The following SYNDIG1L variants were observed in gnomAD, a reference collection of about 807,000 sequenced individuals.
SYNDIG1L encodes synapse differentiation-inducing gene protein 1-like.
SYNDIG1L carries 13 observed loss-of-function variants against 20.1 expected under a neutral mutation model. The ratio of observed to expected loss-of-function variants is 0.65; its 90% CI spans 0.42 to 1.03. The LOEUF is 1.03. SYNDIG1L is among the 50% of genes least tolerant of loss of function. SYNDIG1L has a pLI of 0.00. For missense variants in SYNDIG1L, 294 were observed against 305.1 expected (o/e 0.96, Z 0.27); for synonymous variants, 128 against 129.3 (o/e 0.99, Z 0.07).
the SYNDIG1L span, among the ~76,000 whole-genome samples, chr14:74,436,866 A>G: frequency 2.0e-5 from 3 of 151,310 alleles, no homozygotes; most frequent in Non-Finnish European, 4.4e-5. Flanking sequence ...AAAAAAAAAA[A>G]AAGCTCAGCT....
At chr14:74,429,209 G>C (rs575754167), upstream of SYNDIG1L, among the ~76,000 whole-genome samples, 1 of 152,266 alleles carries the variant, frequency 6.6e-6, no homozygotes, top group African/African-American at 2.4e-5. Flanking sequence ...AAGCATCCTC[G>C]CTGGGACTAG....
the SYNDIG1L span, among the ~76,000 whole-genome samples, chr14:74,469,129 T>C: frequency 5.3e-5 from 8 of 151,916 alleles, no homozygotes; most frequent in South Asian, 1.5e-3. Context: ...CAGGTCAGGT[T>C]TGGTGTCTAG....
At chr14:74,477,267 C>CA in the SYNDIG1L span, among the ~76,000 whole-genome samples, 3 of 152,210 alleles carry the variant, frequency 2.0e-5, no homozygotes, top group African/African-American at 7.2e-5. Context: ...GACTTTCTTA[C>CA]ACGACTCCTT....
chr14:74,462,440 C>T, the SYNDIG1L span, among the ~76,000 whole-genome samples: 22 of 149,884 alleles, frequency 1.5e-4, no homozygotes, highest in African/African-American at 4.9e-4. Context: ...GCTGTGATCA[C>T]GCCACTGCAC....
the SYNDIG1L span, among the ~76,000 whole-genome samples, chr14:74,446,670 G>A: frequency 1.3e-5 from 2 of 149,504 alleles, no homozygotes; most frequent in Non-Finnish European, 1.5e-5. Flanking sequence ...AGGCTGGAGT[G>A]TAGTGGCATG....
intron 1 of SYNDIG1L, among the ~76,000 whole-genome samples, chr14:74,424,389 A>C (rs2086248921): frequency 6.6e-6 from 1 of 151,684 alleles, no homozygotes; most frequent in African/African-American, 2.4e-5. Flanking sequence ...CTCATTTTAC[A>C]CCCGATTACC....
chr14:74,433,954 G>A, the SYNDIG1L span, among the ~76,000 whole-genome samples: 1 of 152,142 alleles, frequency 6.6e-6, no homozygotes, highest in African/African-American at 2.4e-5. Context: ...ATAGGGCAAT[G>A]GGTACACAAA....
intron 1 of SYNDIG1L, among the ~76,000 whole-genome samples, chr14:74,421,449 A>G (rs1458184492): frequency 2.0e-5 from 3 of 152,226 alleles, no homozygotes; most frequent in Admixed American, 2.0e-4. Context: ...AGAAAGACAC[A>G]ACGGAAAGAC....
chr14:74,431,039 C>A (rs1230050026), upstream of SYNDIG1L, among the ~76,000 whole-genome samples: 1 of 152,214 alleles, frequency 6.6e-6, no homozygotes, highest in Non-Finnish European at 1.5e-5. Flanking sequence ...CTGCCTTCTT[C>A]CTGCCCTTGA....
chr14:74,455,779 C>T, the SYNDIG1L span, among the ~76,000 whole-genome samples: 1 of 152,126 alleles, frequency 6.6e-6, no homozygotes, highest in Admixed American at 6.5e-5. Context: ...GCCTCCCATC[C>T]TCTCCCTTCC....
At chr14:74,437,423 T>C in the SYNDIG1L span, among the ~76,000 whole-genome samples, 3 of 152,230 alleles carry the variant, frequency 2.0e-5, no homozygotes, top group Non-Finnish European at 4.4e-5. Context: ...CAGCAGAAAC[T>C]TGCTGTCCAC....
the SYNDIG1L span, among the ~76,000 whole-genome samples, chr14:74,477,538 ACT>A: frequency 6.6e-6 from 1 of 152,038 alleles, no homozygotes; most frequent in Non-Finnish European, 1.5e-5. Flanking sequence ...AAAAAAGATC[ACT>A]CTGTTCCTTT....
chr14:74,476,539 C>G, the SYNDIG1L span: 1 of 1,535,746 alleles, frequency 6.5e-7, no homozygotes, highest in Non-Finnish European at 8.7e-7. Context: ...ACTGCAAACA[C>G]CTGTGCTCTG....
chr14:74,421,107 T>G (rs1398289590), intron 1 of SYNDIG1L, among the ~76,000 whole-genome samples: 1 of 151,972 alleles, frequency 6.6e-6, no homozygotes, highest in Non-Finnish European at 1.5e-5. Context: ...AAAAAAACTT[T>G]GAAAAAAAAT....
chr14:74,408,092 G>A, intron 2 of SYNDIG1L, 103 bp from the exon 3 acceptor site: 1 of 1,387,028 alleles, frequency 7.2e-7, no homozygotes, highest in Non-Finnish European at 9.7e-7. Flanking sequence ...CAGTGACATG[G>A]AGCAACAAGC....
At chr14:74,444,082 T>A in the SYNDIG1L span, among the ~76,000 whole-genome samples, 8 of 152,196 alleles carry the variant, frequency 5.3e-5, no homozygotes, top group Admixed American at 2.6e-4. Flanking sequence ...ATTTTATTTT[T>A]TTTAGATGGA....
chr14:74,418,038 A>G (rs1226744157), intron 1 of SYNDIG1L, among the ~76,000 whole-genome samples: 2 of 152,232 alleles, frequency 1.3e-5, no homozygotes, highest in Admixed American at 1.3e-4. Flanking sequence ...AATCGGGCAG[A>G]AGATTAAATG....
Position 74,409,088 on chromosome 14 carries a change from A to ATT in SYNDIG1L, c.417+239_417+240insAA, listed in dbSNP as rs770918057. On this transcript the variant is annotated intron_variant, in intron 2 of 3. Transcript: ENST00000331628. ...TATTTATTTATTTATTTATTTATTT[A>ATT]TATTTTTTTGAGTCAGGCTCTTGCT... 7.9e-3 allele frequency among the ~76,000 whole-genome samples: 1,172 copies of ATT among 147,514 alleles called. 15 individuals are homozygous for ATT. The highest frequency in any genetic ancestry group is 0.018 in the South Asian group (86 of 4,652).
chr14:74,431,236 C>CGT, the SYNDIG1L span, among the ~76,000 whole-genome samples: 998 of 151,462 alleles, frequency 6.6e-3, 15 homozygotes, highest in African/African-American at 0.022. Context: ...TTTGCATGTG[C>CGT]GTGTGTGTGT....
Sources: allele counts gnomAD v4.1 joint callset (sites outside exome capture counted in the v4.1 genomes callset), GRCh38; gene constraint gnomAD v4.1.1; transcripts MANE v1.5; gene names NCBI Gene and HGNC (gene_info 2026-07-23, HGNC 2026-07-21).